The following TACC3 variants were observed in gnomAD, a reference collection of about 807,000 sequenced individuals.
TACC3 encodes the protein transforming acidic coiled-coil containing protein 3, also known as transforming acidic coiled-coil-containing protein 3.
A neutral mutation model predicts 86.0 loss-of-function variants in TACC3; 52 were observed. That is an observed-to-expected ratio of 0.60 (90% confidence interval 0.48 to 0.76). The LOEUF (loss-of-function observed/expected upper bound fraction) is 0.76. TACC3 is among the 30% of genes least tolerant of loss of function. TACC3 has a pLI of 0.00. For missense variants in TACC3, 1,120 were observed against 1,070.4 expected (o/e 1.05, Z -0.65); for synonymous variants, 512 against 430.0 (o/e 1.19, Z -2.36).
rs369103299 is a variant in TACC3, at chr4:1,739,791, C to T, written c.2018+13C>T. 391 of 1,580,242 alleles carry T rather than the reference C, an allele frequency of 2.5e-4. 1 individual carries two copies. The African/African-American group carries it at 3.8e-3, about 15-fold the overall frequency. On this transcript the variant is annotated intron_variant, in intron 11 of 15. Transcript: ENST00000313288. ...ACCTGGAACTGGGGTAAGGAGGCCC[C>T]GTCTCCTGTCCTCCCCGTCCCCATC...
At chr4:1,733,332 G>T (rs535748771) in intron 6 of TACC3, among the ~76,000 whole-genome samples, 1 of 152,144 alleles carries the variant, frequency 6.6e-6, no homozygotes, top group South Asian at 2.1e-4. Flanking sequence ...AAAATACAAA[G>T]TTAAGTCCCT....
chr4:1,729,999 T>A (rs565878584), intron 4 of TACC3, among the ~76,000 whole-genome samples: 2 of 152,222 alleles, frequency 1.3e-5, no homozygotes, highest in East Asian at 1.9e-4. Context: ...TGCCTTCACC[T>A]CCTATCTCTA....
intron 1 of TACC3, among the ~76,000 whole-genome samples, chr4:1,722,098 C>T (rs530244484): frequency 2.6e-5 from 4 of 152,292 alleles, no homozygotes; most frequent in African/African-American, 9.6e-5. Context: ...GCACCTGCTG[C>T]GCCGCTCCAC....
In TACC3 at chr4:1,735,914, A is replaced by C. The variant is rs1577218575; in HGVS notation, c.1748+80A>C. On this transcript the variant is annotated intron_variant, in intron 8 of 15. Coordinates refer to ENST00000313288, the MANE Select transcript of TACC3 (RefSeq NM_006342.3). This position sits in a 1 kb window ranked among gnomAD's most constrained non-coding sequence, Gnocchi z 4.2. ...GGCTGTTCCTAGGTGTGCTGTCTGC[A>C]CAGAGGCTTCTAGACCGGGGGGAGA... The C allele has an allele frequency of 3.8e-6, 4 of 1,042,202 alleles. No individual in the cohort carries two copies. In the East Asian group the frequency reaches 9.7e-5, roughly 25 times the overall value. The allele number at this position is 1,042,202 out of a possible 1,614,324, so 64.6% of individuals were successfully genotyped here.
chr4:1,741,240 C>T (rs1291353996), intron 13 of TACC3: 14 of 369,212 alleles, frequency 3.8e-5, no homozygotes, highest in South Asian at 2.2e-4. Flanking sequence ...GTGTGACAGA[C>T]GACTCGGCTA....
intron 13 of TACC3, among the ~76,000 whole-genome samples, chr4:1,743,275 C>T (rs1209038922): frequency 7.1e-6 from 1 of 140,804 alleles, no homozygotes; most frequent in Non-Finnish European, 1.5e-5. Context: ...AAAAAAAAGC[C>T]TGGGCACAGT....
chr4:1,739,854 T>TTGTCCCCATCCCCCTCGCCATCCC (rs3841573), intron 11 of TACC3, 76 bp downstream of exon 11: 2 of 798,886 alleles, frequency 2.5e-6, no homozygotes, highest in Admixed American at 3.1e-5. Flanking sequence ...CTCGCCATCC[T>TTGTCCCCATCCCCCTCGCCATCCC]TGTCCCCATC....
Position 1,744,531 on chromosome 4 carries a change from T to G in TACC3, c.2237T>G (p.Leu746Arg), listed in dbSNP as rs1340789986. The change falls in exon 14 of 16, where the codon CTG becomes CGG. Residue 746 changes from leucine to arginine, a missense_variant. Physicochemically the swap from Leu to Arg is moderately radical, Grantham distance 102. Transcript: ENST00000313288. ...GCCCCTTCCTAGAACGAAGAGTCAC[T>G]GAAGAAGTGCGTGGAGGATTACCTG... is the stretch of plus-strand genomic sequence containing the variant. Reference protein sequence around the residue: ...IEGYRKNEESLKKCVEDYLAR... With the variant: ...IEGYRKNEESRKKCVEDYLAR... 1 of 1,612,918 alleles carries G rather than the reference T, an allele frequency of 6.2e-7. No individual in the cohort carries two copies.
chr4:1,733,623 A>G (rs1235059596), intron 6 of TACC3, among the ~76,000 whole-genome samples: 4 of 151,980 alleles, frequency 2.6e-5, no homozygotes, highest in Non-Finnish European at 5.9e-5. Context: ...GCACTACTGC[A>G]CTCCAGTCTG....
intron 13 of TACC3, 92 bp downstream of exon 13, chr4:1,741,078 T>A: frequency 7.3e-7 from 1 of 1,362,606 alleles, no homozygotes. Context: ...CTTTGCACCT[T>A]GGTCCTTGGC....
chr4:1,734,853 G>C (rs995669514), intron 6 of TACC3, among the ~76,000 whole-genome samples: 2 of 152,018 alleles, frequency 1.3e-5, no homozygotes, highest in African/African-American at 2.4e-5. Flanking sequence ...TACAGACAAG[G>C]TTTTGCCCTG....
At chr4:1,730,352 T>C (rs1330113306) in intron 4 of TACC3, 1 of 224,276 alleles carries the variant, frequency 4.5e-6, no homozygotes. Flanking sequence ...TAGGTTATTA[T>C]TGTAGAACAA....
At chr4:1,726,764 G>A (rs1160894119) in intron 3 of TACC3, among the ~76,000 whole-genome samples, 1 of 152,204 alleles carries the variant, frequency 6.6e-6, no homozygotes, top group Non-Finnish European at 1.5e-5. Context: ...GTGGCAGCCA[G>A]CCTTGTCTAT....
In TACC3 at chr4:1,723,880, G is replaced by GTTA. The variant is rs768335990; in HGVS notation, c.305+10_305+11insTTA. 1 of 1,612,632 alleles carries GTTA rather than the reference G, an allele frequency of 6.2e-7. No homozygotes were observed. The highest frequency in any genetic ancestry group is 1.1e-5 in the South Asian group (1 of 91,054). Reference sequence around the variant, plus strand: ...GGACACAGAAAGAGAAGTAAGTGTTGGTGCTGCTGGACATGCTGGAGCTTC... The same window carrying GTTA: ...GGACACAGAAAGAGAAGTAAGTGTTGTTAGTGCTGCTGGACATGCTGGAGCTTC... On this transcript the variant is annotated intron_variant, in intron 3 of 15. Coordinates refer to ENST00000313288, the MANE Select transcript of TACC3 (RefSeq NM_006342.3).
At chr4:1,734,436 C>T (rs1458208672) in intron 6 of TACC3, among the ~76,000 whole-genome samples, 1 of 152,202 alleles carries the variant, frequency 6.6e-6, no homozygotes, top group African/African-American at 2.4e-5. Flanking sequence ...GATCCACCTG[C>T]CTTGGCCTCC....
At chr4:1,732,004 C>T (rs57456249) in intron 6 of TACC3, among the ~76,000 whole-genome samples, 27,581 of 152,224 alleles carry the variant, frequency 0.18, 2,746 homozygotes, top group African/African-American at 0.2. Flanking sequence ...ACGGTTTGTC[C>T]GTAAGACTGG....
intron 8 of TACC3, among the ~76,000 whole-genome samples, 160 bp from the exon 9 acceptor site, chr4:1,737,081 G>A (rs182829686): frequency 3.5e-4 from 54 of 152,308 alleles, no homozygotes; most frequent in Middle Eastern, 3.4e-3. Context: ...CAGAGAGGCC[G>A]GGCATGCTGG....
chr4:1,731,270 G>A lies in TACC3; in HGVS notation c.1560G>A (p.Leu520=). The change falls in exon 6 of 16, where the codon CTG becomes CTA. Residue 520 remains leucine, a synonymous_variant. Transcript: ENST00000313288. The stretch of plus-strand genomic sequence containing the variant: ...AGCAGGGGCAGCCTGCCTTGGAGCT[G>A]AAAGAGGAGAGCTTCAGAGACCCCG... ...THQQGQPALE[L]KEESFRDPAE... The A allele has an allele frequency of 6.2e-7, 1 of 1,613,374 alleles. No homozygotes were observed. Among genetic ancestry groups the A allele is most frequent in the Non-Finnish European group, 8.5e-7 (1 of 1,180,030 alleles).
chr4:1,744,941 C>T lies in TACC3; in HGVS notation c.2452-7C>T, dbSNP rs776650899. 7 of 1,611,862 alleles carry T rather than the reference C, an allele frequency of 4.3e-6. No homozygotes were observed. Among genetic ancestry groups the T allele is most frequent in the Admixed American group, 3.3e-5 (2 of 59,830 alleles). ...GAGAAGCCCCGCAACTCATCTTCCT[C>T]CTCCAGACTAAAGAGAACGAGGAGC... On this transcript the variant is annotated splice_region_variant and splice_polypyrimidine_tract_variant and intron_variant, in intron 15 of 15. Coordinates refer to ENST00000313288, the MANE Select transcript of TACC3 (RefSeq NM_006342.3).
Sources: allele counts gnomAD v4.1 joint callset (sites outside exome capture counted in the v4.1 genomes callset), GRCh38; gene constraint gnomAD v4.1.1; non-coding constraint Gnocchi (gnomAD v3.1); transcripts MANE v1.5; gene names NCBI Gene and HGNC (gene_info 2026-07-23, HGNC 2026-07-21).